The following GPC6 variants were observed in gnomAD, a reference collection of about 807,000 sequenced individuals.
GPC6 encodes the protein glypican-6.
A neutral mutation model predicts 55.2 loss-of-function variants in GPC6; 14 were observed. That is an observed-to-expected ratio of 0.25 (90% CI 0.17 to 0.40). The LOEUF (loss-of-function observed/expected upper bound fraction) is 0.40. Among genes scored for constraint, GPC6 ranks in the 10% least tolerant of loss-of-function variants. The pLI is 1.00. For missense variants in GPC6, 641 were observed against 708.5 expected, an observed-to-expected ratio of 0.90 and a Z score of 1.08; for synonymous variants, 278 against 259.6, an observed-to-expected ratio of 1.07 and a Z score of -0.68.
chr13:93,955,453 CA>C (rs1292807425), intron 3 of GPC6, among the ~76,000 whole-genome samples: 1 of 152,150 alleles, frequency 6.6e-6, no homozygotes, highest in Non-Finnish European at 1.5e-5. Flanking sequence ...CACACATGCT[CA>C]TTAACAAACA....
At chr13:93,305,073 C>T (rs1878810030) in intron 1 of GPC6, among the ~76,000 whole-genome samples, 1 of 152,106 alleles carries the variant, frequency 6.6e-6, no homozygotes, top group South Asian at 2.1e-4. Flanking sequence ...TATCAGGATT[C>T]AGCTAATTTA....
chr13:93,786,560 A>G (rs1031950148), intron 2 of GPC6, among the ~76,000 whole-genome samples: 1 of 152,012 alleles, frequency 6.6e-6, no homozygotes, highest in Non-Finnish European at 1.5e-5. Flanking sequence ...ATGGCCAGCC[A>G]GTCAGCTGTA....
intron 2 of GPC6, among the ~76,000 whole-genome samples, chr13:93,704,831 C>A (rs931645410): frequency 2.0e-5 from 3 of 151,922 alleles, no homozygotes; most frequent in Non-Finnish European, 4.4e-5. Context: ...AAGCATATGG[C>A]AATGAGGCAT....
At chr13:94,174,299 G>T (rs946236694) in intron 4 of GPC6, among the ~76,000 whole-genome samples, 1 of 152,044 alleles carries the variant, frequency 6.6e-6, no homozygotes, top group Non-Finnish European at 1.5e-5. Context: ...ACAACCAAAA[G>T]GGGAAAAAAT....
chr13:93,665,655 C>G (rs1881100136), intron 2 of GPC6, among the ~76,000 whole-genome samples: 1 of 152,070 alleles, frequency 6.6e-6, no homozygotes, highest in Non-Finnish European at 1.5e-5. Flanking sequence ...TTAATGAAAG[C>G]TGTTGCTAAG....
At chr13:94,082,998 C>T (rs991987584) in intron 4 of GPC6, among the ~76,000 whole-genome samples, 7 of 152,308 alleles carry the variant, frequency 4.6e-5, no homozygotes, top group Non-Finnish European at 5.9e-5. Context: ...TATCTGTTCA[C>T]GAATTGACTC....
At chr13:93,603,015 T>TTTC (rs1385950570) in intron 2 of GPC6, among the ~76,000 whole-genome samples, 1 of 81,676 alleles carries the variant, frequency 1.2e-5, no homozygotes, top group Non-Finnish European at 3.7e-5. Context: ...TCTTTCTTTC[T>TTTC]TTTTTTGTTT....
chr13:93,652,808 G>C (rs1347869198), intron 2 of GPC6, among the ~76,000 whole-genome samples: 1 of 152,160 alleles, frequency 6.6e-6, no homozygotes. Flanking sequence ...GGGTTATTTG[G>C]TGAGACTTTG....
intron 4 of GPC6, among the ~76,000 whole-genome samples, chr13:94,075,977 T>A (rs747142030): frequency 1.3e-5 from 2 of 152,052 alleles, no homozygotes; most frequent in African/African-American, 4.8e-5. Context: ...GACATGTACC[T>A]GGAATTGGTG....
chr13:93,419,772 T>A (rs1566347082), intron 1 of GPC6, among the ~76,000 whole-genome samples: 1 of 152,142 alleles, frequency 6.6e-6, no homozygotes, highest in South Asian at 2.1e-4. Flanking sequence ...ATTGTGTTTA[T>A]GAACTTGTTA....
chr13:93,508,451 G>A (rs1162965438), intron 1 of GPC6, among the ~76,000 whole-genome samples: 11 of 152,162 alleles, frequency 7.2e-5, no homozygotes, highest in Non-Finnish European at 1.5e-4. Context: ...ACAGAAAAGG[G>A]AAGATACTAC....
At chr13:93,335,540 G>A (rs554666747) in intron 1 of GPC6, among the ~76,000 whole-genome samples, 3 of 152,272 alleles carry the variant, frequency 2.0e-5, no homozygotes, top group Admixed American at 6.5e-5. Flanking sequence ...CAGAATCAAT[G>A]CTCCTGCCCC....
At chr13:93,332,940 C>T (rs1378466559) in intron 1 of GPC6, among the ~76,000 whole-genome samples, 1 of 152,168 alleles carries the variant, frequency 6.6e-6, no homozygotes, top group Non-Finnish European at 1.5e-5. Flanking sequence ...GTTCCCAGAA[C>T]TATTTATTGA....
At chr13:94,242,788 A>G (rs1326465813) in intron 4 of GPC6, among the ~76,000 whole-genome samples, 1 of 152,046 alleles carries the variant, frequency 6.6e-6, no homozygotes, top group Non-Finnish European at 1.5e-5. Context: ...AGGAGAAAGA[A>G]CTCTGAAAGA....
intron 2 of GPC6, among the ~76,000 whole-genome samples, chr13:93,614,681 A>G (rs954249300): frequency 6.6e-6 from 1 of 152,194 alleles, no homozygotes; most frequent in South Asian, 2.1e-4. Context: ...AAATTATATA[A>G]TTGTTTGATA....
chr13:93,435,715 G>T lies in GPC6; in HGVS notation c.161-109548G>T, dbSNP rs901682058. On this transcript the variant is annotated intron_variant, in intron 1 of 8. Coordinates refer to ENST00000377047, the MANE Select transcript of GPC6 (RefSeq NM_005708.5). ...GAGAGTCTTCTTAGTTCCAACTGTTGCAAGCCCAGTTGTGAGTGGAGGTAG... is the reference window on the plus strand; with the variant it reads ...GAGAGTCTTCTTAGTTCCAACTGTTTCAAGCCCAGTTGTGAGTGGAGGTAG... Among the ~76,000 whole-genome samples the T allele has an allele frequency of 1.3e-5, 2 of 152,118 alleles. 1 individual carries two copies. The highest frequency in any genetic ancestry group is 6.3e-3 in the Middle Eastern group (2 of 316).
intron 6 of GPC6, among the ~76,000 whole-genome samples, chr13:94,377,955 C>G (rs1350723579): frequency 6.6e-6 from 1 of 152,002 alleles, no homozygotes; most frequent in Admixed American, 6.6e-5. Context: ...AACAAAAAAC[C>G]AAACACCGCA....
At chr13:94,264,080 C>T (rs995780595) in intron 4 of GPC6, among the ~76,000 whole-genome samples, 9 of 152,082 alleles carry the variant, frequency 5.9e-5, no homozygotes, top group Non-Finnish European at 1.3e-4. Context: ...TGGGTAGAGA[C>T]CTAAAGTTTA....
At chr13:94,235,178 C>A (rs1337463107) in intron 4 of GPC6, among the ~76,000 whole-genome samples, 1 of 152,058 alleles carries the variant, frequency 6.6e-6, no homozygotes, top group Non-Finnish European at 1.5e-5. Context: ...CTTCTGAGAA[C>A]AATGTTGAAC....
Sources: allele counts gnomAD v4.1 joint callset (sites outside exome capture counted in the v4.1 genomes callset), GRCh38; gene constraint gnomAD v4.1.1; transcripts MANE v1.5; gene names NCBI Gene and HGNC (gene_info 2026-07-23, HGNC 2026-07-21).